Variants in NCAPH2 observed in about 807,000 individuals in gnomAD.
NCAPH2 encodes the protein condensin-2 complex subunit H2.
A neutral mutation model predicts 88.6 loss-of-function variants in NCAPH2; 56 were observed. The ratio of observed to expected loss-of-function variants is 0.63; its 90% CI spans 0.51 to 0.79. The LOEUF (loss-of-function observed/expected upper bound fraction) is 0.79. Among genes scored for constraint, NCAPH2 ranks in the 30% least tolerant of loss-of-function variants. The probability of loss-of-function intolerance (pLI) is 0.00; values close to 1 mark genes in which losing one functional copy is unlikely to be tolerated. For synonymous variants in NCAPH2, 378 were observed against 313.6 expected (o/e 1.21, Z -2.17); for missense variants, 794 against 792.0 (o/e 1.00, Z -0.03).
Position 50,508,464 on chromosome 22 carries a change from T to G in NCAPH2, c.108+19T>G, listed in dbSNP as rs1603440024. On this transcript the variant is annotated intron_variant, in intron 1 of 19. Coordinates refer to ENST00000420993, the MANE Select transcript of NCAPH2 (RefSeq NM_152299.4). ...GGAGGAGGTAAGGGCGGCGGGGGAGTGACGCGGGGTGGGCCGGCGGGTGGG... is the reference window on the plus strand; with the variant it reads ...GGAGGAGGTAAGGGCGGCGGGGGAGGGACGCGGGGTGGGCCGGCGGGTGGG... The G allele has an allele frequency of 3.0e-5, 19 of 638,364 alleles. No individual in the cohort carries two copies. The South Asian group carries it at 3.7e-4, about 13-fold the overall frequency. The allele number at this position is 638,364 out of a possible 1,614,324, so 39.5% of individuals were successfully genotyped here.
chr22:50,510,732 CTG>C (rs1265000895), intron 1 of NCAPH2, among the ~76,000 whole-genome samples: 2 of 151,868 alleles, frequency 1.3e-5, no homozygotes, highest in African/African-American at 4.8e-5. Context: ...GCCTGGCTGA[CTG>C]AGTCCTTTTC....
chr22:50,517,455 A>AG lies in NCAPH2; in HGVS notation c.241dup (p.Ala81GlyfsTer3). On this transcript the variant is annotated frameshift_variant, in exon 3 of 20. Coordinates refer to ENST00000420993, the MANE Select transcript of NCAPH2 (RefSeq NM_152299.4). LOFTEE classifies it high-confidence loss of function. ...GAATACCTCTACTCACTCGTCTACC[A>AG]GGCCCTTGATTTCATCTCTGGAAAG... 1 of 1,614,010 alleles carries AG rather than the reference A, an allele frequency of 6.2e-7. No individual in the cohort carries two copies. The highest frequency in any genetic ancestry group is 8.5e-7 in the Non-Finnish European group (1 of 1,180,022).
rs759100196 is a variant in NCAPH2 at position 50,524,137 on chromosome 22, T to A, written c.*762T>A. On this transcript the variant is annotated 3_prime_UTR_variant, in exon 20 of 20. Coordinates refer to ENST00000420993, the MANE Select transcript of NCAPH2 (RefSeq NM_152299.4). ...GCCCACAGCTGCCTGGCGCAGGGCT[T>A]CTGTTCGCTTTTGCTGCTGCAGCCT... 3.7e-6 allele frequency: 6 copies of A among 1,612,122 alleles called. No individual in the cohort carries two copies. In the African/African-American group the frequency reaches 8.0e-5, roughly 22 times the overall value.
intron 1 of NCAPH2, 37 bp downstream of exon 1, chr22:50,508,482 C>CGGGG (rs2148652676): frequency 3.4e-4 from 44 of 131,238 alleles, no homozygotes; most frequent in Middle Eastern, 2.2e-3. Flanking sequence ...GGTGGGCCGG[C>CGGGG]GGGTGGGGCT....
chr22:50,515,153 C>T (rs1183773463), intron 1 of NCAPH2, among the ~76,000 whole-genome samples: 1 of 152,176 alleles, frequency 6.6e-6, no homozygotes, highest in Non-Finnish European at 1.5e-5. Context: ...GCACAGAGGC[C>T]CCAGGAATGG....
intron 1 of NCAPH2, among the ~76,000 whole-genome samples, chr22:50,515,186 C>G (rs1035375397): frequency 4.6e-5 from 7 of 152,130 alleles, no homozygotes; most frequent in Non-Finnish European, 1.0e-4. Flanking sequence ...AAAGAGTTTG[C>G]GTGGGGACAG....
intron 1 of NCAPH2, among the ~76,000 whole-genome samples, chr22:50,509,285 C>A (rs762754343): frequency 6.6e-6 from 1 of 152,200 alleles, no homozygotes; most frequent in African/African-American, 2.4e-5. Flanking sequence ...CATCCTAGAT[C>A]TTTCCTCCAA....
intron 9 of NCAPH2, 194 bp downstream of exon 9, chr22:50,519,514 C>G (rs1569520829): frequency 2.8e-6 from 4 of 1,425,948 alleles, no homozygotes; most frequent in Non-Finnish European, 3.7e-6. Context: ...TGTTCCTCCC[C>G]TCTCTGAGCA....
At chr22:50,510,184 G>A (rs1286736728) in intron 1 of NCAPH2, among the ~76,000 whole-genome samples, 2 of 152,078 alleles carry the variant, frequency 1.3e-5, no homozygotes, top group Non-Finnish European at 2.9e-5. Flanking sequence ...GCCTCCCAAA[G>A]TGCTGGGATT....
intron 1 of NCAPH2, chr22:50,515,621 C>T: frequency 1.1e-6 from 1 of 900,372 alleles, no homozygotes; most frequent in South Asian, 1.6e-5. Context: ...TGGTCTCGAT[C>T]TCCTGACCTC....
Position 50,523,467 on chromosome 22 carries a change from A to G in NCAPH2, c.*92A>G. 2.0e-6 allele frequency: 3 copies of G among 1,529,066 alleles called. No homozygotes were observed. Among genetic ancestry groups the G allele is most frequent in the Middle Eastern group, 4.1e-4 (2 of 4,900 alleles). The allele number at this position is 1,529,066 out of a possible 1,614,324, so 94.7% of individuals were successfully genotyped here. A position where few individuals can be genotyped will look rare whatever the true frequency, so the allele number is the denominator to read the frequency against. Reference sequence around the variant, plus strand: ...CCCGGCCTAATAAAGCAGTGTTGCCATCTCATCTTCCCCCTAAAAACCCTT... The same window carrying G: ...CCCGGCCTAATAAAGCAGTGTTGCCGTCTCATCTTCCCCCTAAAAACCCTT... On this transcript the variant is annotated 3_prime_UTR_variant, in exon 20 of 20. Coordinates refer to ENST00000420993, the MANE Select transcript of NCAPH2 (RefSeq NM_152299.4).
At chr22:50,520,721 G>T (rs898877858) in intron 9 of NCAPH2, 7 of 469,130 alleles carry the variant, frequency 1.5e-5, no homozygotes, top group Non-Finnish European at 1.9e-5. Flanking sequence ...ACCACACCCG[G>T]CTAATTTTTT....
intron 9 of NCAPH2, among the ~76,000 whole-genome samples, chr22:50,519,962 C>G (rs894359891): frequency 1.2e-4 from 18 of 152,126 alleles, no homozygotes; most frequent in Non-Finnish European, 2.5e-4. Context: ...GCTCCGCCTC[C>G]CGGGTTCACG....
At chr22:50,522,111 C>G in intron 13 of NCAPH2, 70 bp from the exon 14 acceptor site, 1 of 1,612,638 alleles carries the variant, frequency 6.2e-7, no homozygotes, top group East Asian at 2.2e-5. Context: ...TGGTGTCACC[C>G]AAAGCCTTGG....
At chr22:50,522,453 C>T (rs766340080) in intron 15 of NCAPH2, 38 bp downstream of exon 15, 3 of 1,613,046 alleles carry the variant, frequency 1.9e-6, no homozygotes, top group African/African-American at 1.3e-5. Context: ...GGCTTGGCAC[C>T]TGCCGACTAG....
chr22:50,516,524 C>T lies in NCAPH2; in HGVS notation c.186C>T (p.Gly62=), dbSNP rs1183212135. 6.2e-7 allele frequency: 1 copy of T among 1,614,196 alleles called. No individual in the cohort carries two copies. Among genetic ancestry groups the T allele is most frequent in the East Asian group, 2.2e-5 (1 of 44,884 alleles). The stretch of plus-strand genomic sequence containing the variant: ...TTGAGGCAGCGTTGTTGATCCAGGG[C>T]TCTGCCTGCGTCTACAGTAAGAAGG... The part of the protein sequence containing the change: ...NFIEAALLIQ[G]SACVYSKKVE... The change falls in exon 2 of 20, where the codon GGC becomes GGT. Residue 62 remains glycine (G), a synonymous_variant. Transcript: ENST00000420993.
chr22:50,523,481 C>T lies in NCAPH2; in HGVS notation c.*106C>T. The T allele has an allele frequency of 6.5e-7, 1 of 1,533,764 alleles. No individual in the cohort carries two copies. The highest frequency in any genetic ancestry group is 8.8e-7 in the Non-Finnish European group (1 of 1,137,090). On this transcript the variant is annotated 3_prime_UTR_variant, in exon 20 of 20. Coordinates refer to ENST00000420993, the MANE Select transcript of NCAPH2 (RefSeq NM_152299.4). ...GCAGTGTTGCCATCTCATCTTCCCC[C>T]TAAAAACCCTTTTATGTACACCTGC...
chr22:50,518,926 ACTGACTGCCCT>A (rs1316685447), intron 8 of NCAPH2, among the ~76,000 whole-genome samples, 194 bp downstream of exon 8: 9 of 152,040 alleles, frequency 5.9e-5, no homozygotes, highest in African/African-American at 2.2e-4. Context: ...ATCTTGGTTC[ACTGACTGCCCT>A]CTGACTGCCC....
chr22:50,513,339 CTG>C (rs57710139), intron 1 of NCAPH2, among the ~76,000 whole-genome samples: 10,360 of 150,934 alleles, frequency 0.069, 1,261 homozygotes, highest in African/African-American at 0.24. Context: ...TGGCTCACGC[CTG>C]TGATCCCAGC....
Sources: gnomAD v4.1 joint callset for allele counts (sites outside exome capture counted in the v4.1 genomes callset) on GRCh38, gnomAD v4.1.1 for gene constraint, MANE v1.5 for transcripts, NCBI Gene and HGNC (gene_info 2026-07-23, HGNC 2026-07-21) for gene names.